The following NYAP2 variants were observed in gnomAD, a reference collection of about 807,000 sequenced individuals.
NYAP2 encodes neuronal tyrosine-phosphorylated phosphoinositide-3-kinase adaptor 2.
Under a neutral mutation model 50.4 loss-of-function variants are expected in NYAP2, and 23 were observed. The observed-to-expected ratio is 0.46, with a 90% CI of 0.33 to 0.65. The LOEUF (loss-of-function observed/expected upper bound fraction) is 0.65. NYAP2 is among the 30% of genes least tolerant of loss of function. The pLI is 0.02. For missense variants in NYAP2, 885 were observed against 861.0 expected, an observed-to-expected ratio of 1.03 and a Z score of -0.35; for synonymous variants, 394 against 365.2, an observed-to-expected ratio of 1.08 and a Z score of -0.90.
chr2:225,563,075 C>T (rs1052525776), intron 4 of NYAP2, among the ~76,000 whole-genome samples: 1 of 152,010 alleles, frequency 6.6e-6, no homozygotes, highest in African/African-American at 2.4e-5. Context: ...TGTAACTTTG[C>T]AAAAGATTCT....
chr2:225,566,214 A>G (rs1691959721), intron 4 of NYAP2, among the ~76,000 whole-genome samples: 1 of 152,164 alleles, frequency 6.6e-6, no homozygotes, highest in Admixed American at 6.6e-5. Flanking sequence ...CATTATTACT[A>G]TTATTACTGA....
Position 225,504,434 on chromosome 2 carries a change from A to G in NYAP2, c.222-8937A>G, listed in dbSNP as rs141666206. On this transcript the variant is annotated intron_variant, in intron 3 of 6. Transcript: ENST00000636099. Reference sequence around the variant, plus strand: ...TCAACACATGAATTTGGGGTGGGGGAGCAGGGGCGACAAACATTCAGTCTA... The same window carrying G: ...TCAACACATGAATTTGGGGTGGGGGGGCAGGGGCGACAAACATTCAGTCTA... Among the ~76,000 whole-genome samples the G allele has an allele frequency of 4.9e-3, 745 of 152,124 alleles. 11 individuals carry two copies. The highest frequency in any genetic ancestry group is 0.017 in the African/African-American group (715 of 41,444).
chr2:225,687,064 C>A, the NYAP2 span, among the ~76,000 whole-genome samples: 1 of 152,146 alleles, frequency 6.6e-6, no homozygotes, highest in Non-Finnish European at 1.5e-5. Context: ...AGCTGTGAAG[C>A]AATCTGCTAT....
intron 3 of NYAP2, among the ~76,000 whole-genome samples, chr2:225,450,483 G>A (rs182396525): frequency 6.6e-4 from 100 of 152,226 alleles, no homozygotes; most frequent in African/African-American, 2.2e-3. Context: ...TATGACACCC[G>A]GAAAGGCAGA....
chr2:225,636,028 T>C (rs970735117), intron 6 of NYAP2, among the ~76,000 whole-genome samples: 7 of 152,216 alleles, frequency 4.6e-5, no homozygotes, highest in Non-Finnish European at 8.8e-5. Flanking sequence ...TTCTTCAACG[T>C]ATACTTTGTG....
intron 3 of NYAP2, among the ~76,000 whole-genome samples, chr2:225,484,934 G>C (rs904205392): frequency 2.0e-5 from 3 of 152,202 alleles, no homozygotes; most frequent in African/African-American, 4.8e-5. Context: ...AACCCTAAGG[G>C]TGAGGCCCAT....
intron 4 of NYAP2, among the ~76,000 whole-genome samples, chr2:225,573,055 T>C (rs1249276530): frequency 2.0e-5 from 3 of 152,156 alleles, no homozygotes; most frequent in Non-Finnish European, 4.4e-5. Flanking sequence ...TCTTAATTTC[T>C]ATATTCTAAA....
chr2:225,622,744 T>C (rs1392448186), intron 5 of NYAP2, among the ~76,000 whole-genome samples: 1 of 151,790 alleles, frequency 6.6e-6, no homozygotes, highest in East Asian at 1.9e-4. Context: ...TACGCCCGAC[T>C]AATTTTTGTG....
exon 3 of NYAP2, chr2:225,408,895 G>A (rs200077068): frequency 1.2e-6 from 2 of 1,608,160 alleles, no homozygotes; most frequent in Non-Finnish European, 1.7e-6. Context: ...TATCCTCCAA[G>A]ATGATGAGTT....
chr2:225,700,388 G>A, the NYAP2 span: 1 of 151,630 alleles, frequency 6.6e-6, no homozygotes, highest in African/African-American at 2.4e-5. Flanking sequence ...TGAAGTTGCA[G>A]GTTCTGCTTG....
chr2:225,611,389 G>A (rs551449000), intron 5 of NYAP2, among the ~76,000 whole-genome samples: 5 of 152,086 alleles, frequency 3.3e-5, no homozygotes, highest in African/African-American at 7.2e-5. Context: ...AGGAGGCCCC[G>A]TATATCTGAC....
intron 4 of NYAP2, among the ~76,000 whole-genome samples, chr2:225,567,778 T>TGGAA (rs1691987156): frequency 6.6e-6 from 1 of 152,046 alleles, no homozygotes; most frequent in African/African-American, 2.4e-5. Context: ...AATAAGTGTG[T>TGGAA]GGAACAGTGG....
rs1180634427 is a variant in NYAP2 at position 225,400,709 on chromosome 2, A to G, written c.-352A>G. ...GTGTGTTCATCCCCACCCATTAGCT[A>G]TGCCCTCTTTTCTCCGAATGTCGAT... On this transcript the variant is annotated 5_prime_UTR_variant, in exon 2 of 7. An upstream start codon of the reference 5' UTR is lost. Coordinates refer to ENST00000636099, the Ensembl canonical transcript of NYAP2. The G allele has an allele frequency of 1.3e-5, 2 of 152,088 alleles. No individual in the cohort carries two copies. Among genetic ancestry groups the G allele is most frequent in the Admixed American group, 1.3e-4 (2 of 15,242 alleles). The allele number at this position is 152,088 out of a possible 1,614,324, so 9.4% of individuals were successfully genotyped here.
the NYAP2 span, among the ~76,000 whole-genome samples, chr2:225,676,470 G>A: frequency 0.049 from 7,488 of 152,056 alleles, 636 homozygotes; most frequent in African/African-American, 0.17. Context: ...AGACTGGGCA[G>A]TTTACAAAAG....
At chr2:225,532,345 A>G (rs1185945877) in intron 4 of NYAP2, among the ~76,000 whole-genome samples, 1 of 152,204 alleles carries the variant, frequency 6.6e-6, no homozygotes, top group Non-Finnish European at 1.5e-5. Context: ...CATAAAGAGT[A>G]CTTTGATTTT....
intron 4 of NYAP2, among the ~76,000 whole-genome samples, chr2:225,529,372 G>A (rs1003275023): frequency 2.0e-5 from 3 of 151,568 alleles, no homozygotes; most frequent in Non-Finnish European, 4.4e-5. Flanking sequence ...CGCCCAGGCT[G>A]GAGTGAAGTG....
At chr2:225,546,038 G>C (rs1205042316) in intron 4 of NYAP2, among the ~76,000 whole-genome samples, 3 of 152,112 alleles carry the variant, frequency 2.0e-5, no homozygotes, top group Admixed American at 2.0e-4. Context: ...AACAAATGAA[G>C]TCTATATCTC....
intron 4 of NYAP2, among the ~76,000 whole-genome samples, chr2:225,557,530 A>C (rs1574676834): frequency 6.6e-6 from 1 of 152,298 alleles, no homozygotes; most frequent in East Asian, 1.9e-4. Context: ...CATAAATATA[A>C]TTTCAGATAT....
intron 4 of NYAP2, among the ~76,000 whole-genome samples, chr2:225,518,582 TTATA>T (rs375598039): frequency 0.033 from 2,395 of 71,654 alleles, 183 homozygotes; most frequent in Middle Eastern, 0.061. Context: ...GCGTGTGCGC[TTATA>T]TATATATATA....
Sources: gnomAD v4.1 joint callset for allele counts (sites outside exome capture counted in the v4.1 genomes callset) on GRCh38, gnomAD v4.1.1 for gene constraint, MANE v1.5 for transcripts, NCBI Gene and HGNC (gene_info 2026-07-23, HGNC 2026-07-21) for gene names.